Variants in METAP2 observed in about 807,000 individuals in gnomAD.
METAP2 encodes methionine aminopeptidase 2.
In METAP2, 25 loss-of-function variants were observed where a neutral mutation model predicts 59.4. The ratio of observed to expected loss-of-function variants is 0.42; its 90% CI spans 0.31 to 0.59. The LOEUF (loss-of-function observed/expected upper bound fraction) is 0.59, where lower values mean the gene tolerates loss of function less well. Ranked by LOEUF, METAP2 falls within the 20% of genes least tolerant of loss-of-function variation. METAP2 has a pLI of 0.16. For synonymous variants in METAP2, 214 were observed against 194.1 expected, an observed-to-expected ratio of 1.10 and a Z score of -0.85; for missense variants, 366 against 581.2, an observed-to-expected ratio of 0.63 and a Z score of 3.81.
chr12:95,482,599 C>T lies in METAP2; in HGVS notation c.260-616C>T, dbSNP rs528568376. Among the ~76,000 whole-genome samples the T allele has an allele frequency of 2.4e-3, 328 of 139,456 alleles. 1 individual carries two copies. The highest frequency in any genetic ancestry group is 8.0e-3 in the African/African-American group (286 of 35,786). The allele number at this position is 139,456 out of a possible 152,430, so 91.5% of individuals were successfully genotyped here. On this transcript the variant is annotated intron_variant, in intron 2 of 10. Transcript: ENST00000323666. ...TTCGAGACCAGCCTGGTCAACATGG[C>T]GAAACTCCATCTCTACTAAAAAAAA...
intron 7 of METAP2, among the ~76,000 whole-genome samples, chr12:95,498,818 A>C (rs2076294840): frequency 6.6e-6 from 1 of 152,058 alleles, no homozygotes; most frequent in Non-Finnish European, 1.5e-5. Flanking sequence ...GTTAAAGTCT[A>C]GCCTGGGTAA....
chr12:95,500,842 G>A (rs1224783771), intron 7 of METAP2, among the ~76,000 whole-genome samples: 1 of 152,068 alleles, frequency 6.6e-6, no homozygotes, highest in Non-Finnish European at 1.5e-5. Flanking sequence ...TTTTCTTATA[G>A]TGTCTTTGCC....
At position 95,507,548 on chromosome 12, in the gene METAP2, T is replaced by C. The variant is rs1364052343; in HGVS notation, c.964+3387T>C. Reference sequence around the variant, plus strand: ...ATCTCTGTTCTTCAAGGAAGAAATATTCTGTCTTCTATACAGTATTTTCTT... The same window carrying C: ...ATCTCTGTTCTTCAAGGAAGAAATACTCTGTCTTCTATACAGTATTTTCTT... On this transcript the variant is annotated intron_variant, in intron 8 of 10. Transcript: ENST00000323666. Among the ~76,000 whole-genome samples the C allele has an allele frequency of 3.3e-5, 5 of 152,402 alleles. No individual in the cohort carries two copies. The East Asian group carries it at 9.6e-4, about 29-fold the overall frequency.
At chr12:95,506,952 T>G (rs2076365758) in intron 8 of METAP2, among the ~76,000 whole-genome samples, 1 of 151,394 alleles carries the variant, frequency 6.6e-6, no homozygotes, top group African/African-American at 2.5e-5. Flanking sequence ...TGGCTAATTT[T>G]TGGACTTTTT....
chr12:95,485,790 A>G (rs968082027), intron 3 of METAP2, 89 bp from the exon 4 acceptor site: 13 of 845,296 alleles, frequency 1.5e-5, no homozygotes, highest in Admixed American at 3.0e-5. Flanking sequence ...ATCAGAACAT[A>G]TAACAACCAT....
intron 4 of METAP2, among the ~76,000 whole-genome samples, chr12:95,493,177 T>C (rs1287536458): frequency 6.6e-6 from 1 of 152,206 alleles, no homozygotes; most frequent in African/African-American, 2.4e-5. Context: ...TATTCCCAGA[T>C]ACTGAATAAA....
At chr12:95,511,263 T>A (rs919343133) in intron 8 of METAP2, among the ~76,000 whole-genome samples, 8 of 152,148 alleles carry the variant, frequency 5.3e-5, no homozygotes, top group African/African-American at 1.9e-4. Context: ...GTATTTTTTA[T>A]GTTTCTAATA....
chr12:95,506,091 C>T (rs887887354), intron 8 of METAP2, among the ~76,000 whole-genome samples: 8 of 150,980 alleles, frequency 5.3e-5, no homozygotes, highest in Admixed American at 1.3e-4. Context: ...AGTGAGACTT[C>T]GTCTGGGGAA....
intron 1 of METAP2, among the ~76,000 whole-genome samples, chr12:95,474,950 A>G (rs1565772291): frequency 6.6e-6 from 1 of 152,132 alleles, no homozygotes; most frequent in Non-Finnish European, 1.5e-5. Context: ...AGCATCGCCA[A>G]GCTTTAGGGC....
Position 95,486,553 on chromosome 12 carries a change from A to G in METAP2, c.428+572A>G, listed in dbSNP as rs914122955. On this transcript the variant is annotated intron_variant, in intron 4 of 10. Coordinates refer to ENST00000323666, the MANE Select transcript of METAP2 (RefSeq NM_006838.4). Reference sequence around the variant, plus strand: ...ACTCTTGTTGCCTAGGCTGGAGTGCAATGCTGGGATCTCGGCTCACTGCAA... The same window carrying G: ...ACTCTTGTTGCCTAGGCTGGAGTGCGATGCTGGGATCTCGGCTCACTGCAA... 2.6e-5 allele frequency among the ~76,000 whole-genome samples: 4 copies of G among 151,552 alleles called. No individual in the cohort carries two copies. The South Asian group carries it at 8.4e-4, about 32-fold the overall frequency.
At chr12:95,504,431 G>A (rs540841384) in intron 8 of METAP2, among the ~76,000 whole-genome samples, 7 of 152,198 alleles carry the variant, frequency 4.6e-5, no homozygotes, top group Non-Finnish European at 8.8e-5. Flanking sequence ...TCAAATCAAG[G>A]CTGAGAGAAG....
At chr12:95,512,955 C>G in intron 10 of METAP2, 39 bp downstream of exon 10, 1 of 1,188,752 alleles carries the variant, frequency 8.4e-7, no homozygotes. Context: ...GGCTAATTAG[C>G]ATCTCTTCTG....
chr12:95,506,891 T>C (rs1472562691), intron 8 of METAP2, among the ~76,000 whole-genome samples: 2 of 152,040 alleles, frequency 1.3e-5, no homozygotes, highest in Non-Finnish European at 2.9e-5. Flanking sequence ...CTTGGATCAC[T>C]ATAAGCTCAG....
intron 3 of METAP2, 78 bp from the exon 4 acceptor site, chr12:95,485,801 T>C: frequency 1.1e-6 from 1 of 930,858 alleles, no homozygotes; most frequent in Non-Finnish European, 1.6e-6. Context: ...TAACAACCAT[T>C]AGGAACTGAG....
At chr12:95,490,411 T>C (rs2076229025) in intron 4 of METAP2, among the ~76,000 whole-genome samples, 1 of 151,534 alleles carries the variant, frequency 6.6e-6, no homozygotes, top group Non-Finnish European at 1.5e-5. Flanking sequence ...ATTGGTGATA[T>C]TTAATTTTTA....
At chr12:95,492,731 A>AT (rs949848576) in intron 4 of METAP2, among the ~76,000 whole-genome samples, 1 of 151,762 alleles carries the variant, frequency 6.6e-6, no homozygotes, top group Admixed American at 6.6e-5. Context: ...CGCCCAGCTA[A>AT]TTTTTTTTGG....
intron 2 of METAP2, among the ~76,000 whole-genome samples, 174 bp downstream of exon 2, chr12:95,476,352 C>CA (rs938173101): frequency 4.1e-5 from 6 of 146,396 alleles, no homozygotes; most frequent in African/African-American, 1.3e-4. Context: ...TCTAAAAAGA[C>CA]AAAAAAAAAT....
At chr12:95,494,032 T>C in intron 4 of METAP2, 24 bp from the exon 5 acceptor site, 4 of 1,605,172 alleles carry the variant, frequency 2.5e-6, no homozygotes, top group South Asian at 2.2e-5. Flanking sequence ...TTATCACTAA[T>C]AGTATTCTAT....
At chr12:95,482,632 A>AG (rs914890152) in intron 2 of METAP2, among the ~76,000 whole-genome samples, 6 of 151,276 alleles carry the variant, frequency 4.0e-5, no homozygotes, top group African/African-American at 1.5e-4. Context: ...AAAAAAAAAA[A>AG]AAAATTAGAT....
Sources: gnomAD v4.1 joint callset for allele counts (sites outside exome capture counted in the v4.1 genomes callset) on GRCh38, gnomAD v4.1.1 for gene constraint, MANE v1.5 for transcripts, NCBI Gene and HGNC (gene_info 2026-07-23, HGNC 2026-07-21) for gene names.